SPOP: variants seen among roughly 807,000 people sequenced by gnomAD.
The protein encoded by SPOP is speckle-type POZ protein.
A neutral mutation model predicts 45.6 loss-of-function variants in SPOP; 11 were observed. The observed-to-expected ratio is 0.24, with a 90% confidence interval of 0.15 to 0.40. The LOEUF (loss-of-function observed/expected upper bound fraction) is 0.40, where lower values mean the gene tolerates loss of function less well. Among genes scored for constraint, SPOP ranks in the 10% least tolerant of loss-of-function variants. SPOP has a pLI of 1.00. For missense variants in SPOP, 152 were observed against 465.6 expected, an observed-to-expected ratio of 0.33 and a Z score of 6.20; for synonymous variants, 166 against 166.3, an observed-to-expected ratio of 1.00 and a Z score of 0.01.
chr17:49,621,228 G>T (rs1433135156), intron 3 of SPOP, among the ~76,000 whole-genome samples: 2 of 152,140 alleles, frequency 1.3e-5, no homozygotes, highest in Non-Finnish European at 2.9e-5. Flanking sequence ...ACATATTCCT[G>T]GCCACACAGT....
At position 49,607,873 on chromosome 17, in the gene SPOP, C is replaced by A; in HGVS notation, c.714+1G>T. 6.2e-7 allele frequency: 1 copy of A among 1,611,126 alleles called. No homozygotes were observed. Among genetic ancestry groups the A allele is most frequent in the Non-Finnish European group, 8.5e-7 (1 of 1,178,216 alleles). On this transcript the variant is annotated splice_donor_variant, in intron 7 of 9. Transcript: ENST00000504102. LOFTEE classifies it high-confidence loss of function. ...AGACATGTCTTCATCTTGTTACATACCTTTTTGCTCTCCTCCATTTCATGT... is the reference window on the plus strand; with the variant it reads ...AGACATGTCTTCATCTTGTTACATAACTTTTTGCTCTCCTCCATTTCATGT...
intron 1 of SPOP, among the ~76,000 whole-genome samples, chr17:49,666,736 G>A (rs1010223802): frequency 1.3e-5 from 2 of 152,280 alleles, no homozygotes; most frequent in Non-Finnish European, 2.9e-5. Flanking sequence ...GCTGAGGCAG[G>A]AGAATCACTT....
At chr17:49,608,901 AT>A (rs879850816) in intron 6 of SPOP, among the ~76,000 whole-genome samples, 268 of 145,100 alleles carry the variant, frequency 1.8e-3, no homozygotes, top group South Asian at 8.1e-3. Context: ...TAGCTCTGCC[AT>A]TTTTTTTTTT....
chr17:49,622,258 A>C (rs1308998877), intron 2 of SPOP, 191 bp from the exon 3 acceptor site: 1 of 727,340 alleles, frequency 1.4e-6, no homozygotes, highest in Admixed American at 2.1e-5. Flanking sequence ...AATAGCTTTT[A>C]TAACTTTTTT....
intron 1 of SPOP, among the ~76,000 whole-genome samples, chr17:49,665,686 A>ACACACC (rs2073048376): frequency 1.4e-5 from 2 of 143,752 alleles, no homozygotes; most frequent in Non-Finnish European, 3.1e-5. Context: ...ACACACACAC[A>ACACACC]CACACACACC....
intron 1 of SPOP, among the ~76,000 whole-genome samples, chr17:49,657,654 C>A (rs1295754067): frequency 6.6e-6 from 1 of 151,278 alleles, no homozygotes; most frequent in Non-Finnish European, 1.5e-5. Context: ...GCCTCGGCCT[C>A]CCAAAGTGCT....
chr17:49,650,494 C>G (rs1040785617), intron 1 of SPOP, among the ~76,000 whole-genome samples: 2 of 152,086 alleles, frequency 1.3e-5, no homozygotes, highest in African/African-American at 4.8e-5. Context: ...GCAGGAGAAT[C>G]CCTTGAAACC....
chr17:49,627,766 T>C (rs1310019863), intron 1 of SPOP, among the ~76,000 whole-genome samples: 1 of 152,216 alleles, frequency 6.6e-6, no homozygotes, highest in Non-Finnish European at 1.5e-5. Flanking sequence ...CTTGACCATT[T>C]TTTCCCACCT....
At chr17:49,676,201 A>G (rs1307001593) in intron 1 of SPOP, among the ~76,000 whole-genome samples, 1 of 151,470 alleles carries the variant, frequency 6.6e-6, no homozygotes, top group East Asian at 1.9e-4. Flanking sequence ...CTCTAAAACG[A>G]GAAATCAATA....
In SPOP at chr17:49,652,866, A is replaced by C. The variant is rs141937725; in HGVS notation, c.-67+25067T>G. The stretch of plus-strand genomic sequence containing the variant: ...AGTTACAAAACATGGGGAAGAGTTA[A>C]AACTACCACTTTATCATTATTGCCA... On this transcript the variant is annotated intron_variant, in intron 1 of 9. Transcript: ENST00000504102. 6.5e-3 allele frequency among the ~76,000 whole-genome samples: 997 copies of C among 152,346 alleles called. 5 individuals carry two copies. The highest frequency in any genetic ancestry group is 0.016 in the East Asian group (81 of 5,188).
intron 1 of SPOP, among the ~76,000 whole-genome samples, chr17:49,644,870 C>T (rs953470226): frequency 6.6e-6 from 1 of 152,084 alleles, no homozygotes; most frequent in Non-Finnish European, 1.5e-5. Flanking sequence ...ATGATACACA[C>T]TAAATTCATG....
chr17:49,620,467 C>CA (rs755698106), intron 3 of SPOP, among the ~76,000 whole-genome samples: 6,049 of 66,366 alleles, frequency 0.091, 229 homozygotes, highest in Non-Finnish European at 0.12. Flanking sequence ...GACTCTGTCT[C>CA]AAAAAAAAAA....
Position 49,662,409 on chromosome 17 carries a change from C to T in SPOP, c.-67+15524G>A, listed in dbSNP as rs897520652. Among the ~76,000 whole-genome samples the T allele has an allele frequency of 2.6e-5, 4 of 152,212 alleles. No homozygotes were observed. In the South Asian group the frequency reaches 6.2e-4, roughly 24 times the overall value. On this transcript the variant is annotated intron_variant, in intron 1 of 9. Transcript: ENST00000504102. The stretch of plus-strand genomic sequence containing the variant: ...GAAAATGGTAATTCCAGGCCAGGCG[C>T]GGTGGCTCACGCCTGTAATCCCAGC...
At chr17:49,630,211 G>C (rs1256873301) in intron 1 of SPOP, among the ~76,000 whole-genome samples, 1 of 152,126 alleles carries the variant, frequency 6.6e-6, no homozygotes, top group African/African-American at 2.4e-5. Flanking sequence ...CAAAAAAACT[G>C]TAAGACTTTT....
intron 1 of SPOP, among the ~76,000 whole-genome samples, chr17:49,663,589 T>C (rs2073016094): frequency 6.6e-6 from 1 of 151,596 alleles, no homozygotes; most frequent in Non-Finnish European, 1.5e-5. Flanking sequence ...TTTTAAATAG[T>C]CTGTAAAAAA....
intron 1 of SPOP, among the ~76,000 whole-genome samples, chr17:49,628,543 T>C (rs1325021486): frequency 1.3e-5 from 2 of 150,196 alleles, no homozygotes; most frequent in Admixed American, 1.3e-4. Flanking sequence ...AAAAAAAAAA[T>C]GAATTACAGG....
intron 6 of SPOP, among the ~76,000 whole-genome samples, chr17:49,609,825 G>A (rs2071930825): frequency 6.6e-6 from 1 of 151,760 alleles, no homozygotes; most frequent in Admixed American, 6.6e-5. Flanking sequence ...AAGGTGAAGA[G>A]GCAATAACAG....
intron 6 of SPOP, among the ~76,000 whole-genome samples, chr17:49,608,822 T>C (rs2071905811): frequency 6.6e-6 from 1 of 152,030 alleles, no homozygotes; most frequent in Non-Finnish European, 1.5e-5. Flanking sequence ...AAATATATAG[T>C]AGAAAGGTTT....
At chr17:49,646,662 TCA>T (rs1465999798) in intron 1 of SPOP, 3 of 152,208 alleles carry the variant, frequency 2.0e-5, no homozygotes, top group African/African-American at 4.8e-5. Context: ...ATTCAATGTT[TCA>T]CAGTCTTCAA....
Sources: gnomAD v4.1 joint callset for allele counts (sites outside exome capture counted in the v4.1 genomes callset) on GRCh38, gnomAD v4.1.1 for gene constraint, MANE v1.5 for transcripts, NCBI Gene and HGNC (gene_info 2026-07-23, HGNC 2026-07-21) for gene names.